PCDHGA3: variants seen among roughly 807,000 people sequenced by gnomAD.
PCDHGA3 encodes the protein protocadherin gamma subfamily A, 3.
In PCDHGA3, 40 loss-of-function variants were observed where a neutral mutation model predicts 58.5. The ratio of observed to expected loss-of-function variants is 0.68; its 90% CI spans 0.53 to 0.89. PCDHGA3 has a LOEUF of 0.89. Among genes scored for constraint, PCDHGA3 ranks in the 40% least tolerant of loss-of-function variants. PCDHGA3 has a pLI of 0.00. For missense variants in PCDHGA3, 1,223 were observed against 1,195.9 expected (o/e 1.02, Z -0.33); for synonymous variants, 530 against 525.7 (o/e 1.01, Z -0.11).
intron 2 of PCDHGA3, among the ~76,000 whole-genome samples, chr5:141,498,004 G>C (rs1385457484): frequency 6.6e-6 from 1 of 152,316 alleles, no homozygotes; most frequent in African/African-American, 2.4e-5. Flanking sequence ...GGAGTTTACA[G>C]TGCACTGAAG....
intron 1 of PCDHGA3, chr5:141,399,178 A>T: frequency 6.2e-7 from 1 of 1,613,892 alleles, no homozygotes; most frequent in Admixed American, 1.7e-5. Flanking sequence ...TCTACTTGAA[A>T]TGATTCTGGA....
intron 1 of PCDHGA3, among the ~76,000 whole-genome samples, chr5:141,456,882 G>A (rs1039329600): frequency 6.6e-6 from 1 of 152,156 alleles, no homozygotes; most frequent in Non-Finnish European, 1.5e-5. Context: ...AGAATCGCTT[G>A]AACCCGGGAG....
At chr5:141,388,721 C>A (rs373386803) in intron 1 of PCDHGA3, 33 of 1,613,884 alleles carry the variant, frequency 2.0e-5, no homozygotes, top group Non-Finnish European at 2.7e-5. Context: ...AGATTACTTT[C>A]TCTTTCAGTG....
chr5:141,402,908 G>C (rs772824235), intron 1 of PCDHGA3: 1 of 1,545,226 alleles, frequency 6.5e-7, no homozygotes, highest in African/African-American at 1.4e-5. Flanking sequence ...TGATGAAGCA[G>C]CGCGCACAGA....
intron 1 of PCDHGA3, chr5:141,422,820 G>A (rs904706749): frequency 6.2e-6 from 10 of 1,614,178 alleles, no homozygotes; most frequent in Non-Finnish European, 7.6e-6. Flanking sequence ...ACTTAGAACT[G>A]AGAGTGATAG....
intron 1 of PCDHGA3, chr5:141,366,619 G>T (rs769993265): frequency 6.2e-7 from 1 of 1,614,222 alleles, no homozygotes; most frequent in Non-Finnish European, 8.5e-7. Flanking sequence ...CCGCGGACTC[G>T]AGGAAGAGTC....
At chr5:141,370,759 T>C in intron 1 of PCDHGA3, 3 of 1,614,022 alleles carry the variant, frequency 1.9e-6, no homozygotes, top group Non-Finnish European at 1.7e-6. Flanking sequence ...GTAACTGTGC[T>C]GATCCAGGAT....
At chr5:141,370,852 C>T (rs558873325) in intron 1 of PCDHGA3, 5 of 1,614,018 alleles carry the variant, frequency 3.1e-6, no homozygotes, top group Non-Finnish European at 4.2e-6. Flanking sequence ...GCCACATTTG[C>T]CCTGGAATCT....
chr5:141,353,687 C>T (rs555307178), intron 1 of PCDHGA3, among the ~76,000 whole-genome samples: 3 of 152,224 alleles, frequency 2.0e-5, no homozygotes, highest in South Asian at 2.1e-4. Context: ...GTTTATAAAG[C>T]GTTTTCCATA....
intron 1 of PCDHGA3, chr5:141,415,772 T>TTTA (rs1561760673): frequency 5.3e-6 from 7 of 1,332,980 alleles, no homozygotes; most frequent in Non-Finnish European, 6.7e-6. Flanking sequence ...TTTTTTTTTT[T>TTTA]ACTTTCTGGT....
At position 141,418,056 on chromosome 5, in the gene PCDHGA3, T is replaced by G. The variant is rs199996434; in HGVS notation, c.2424+71599T>G. ...GTCCTGGATGTGTCGGCTCGCGAGC[T>G]GCGAGTGAGCGCGGAGAAGCTGCAC... is the stretch of plus-strand genomic sequence containing the variant. On this transcript the variant is annotated intron_variant, in intron 1 of 3. Coordinates refer to ENST00000253812, the MANE Select transcript of PCDHGA3 (RefSeq NM_018916.4). 5.0e-5 allele frequency: 80 copies of G among 1,613,976 alleles called. No individual in the cohort carries two copies. The African/African-American group carries it at 7.5e-4, about 15-fold the overall frequency.
At chr5:141,421,846 G>A (rs1187020807) in intron 1 of PCDHGA3, 2 of 1,613,642 alleles carry the variant, frequency 1.2e-6, no homozygotes, top group East Asian at 4.5e-5. Context: ...AGAGAAAGAG[G>A]CTGCTCACCT....
chr5:141,427,428 T>A (rs1489623330), intron 1 of PCDHGA3: 1 of 470,472 alleles, frequency 2.1e-6, no homozygotes. Context: ...GGAGGTTACA[T>A]GCCTCATAAA....
intron 2 of PCDHGA3, among the ~76,000 whole-genome samples, chr5:141,496,492 C>A (rs2099769172): frequency 6.6e-6 from 1 of 152,186 alleles, no homozygotes; most frequent in Non-Finnish European, 1.5e-5. Context: ...CCAACCAAAC[C>A]CTTGTTGCCA....
At chr5:141,460,987 A>C (rs201722325) in intron 1 of PCDHGA3, among the ~76,000 whole-genome samples, 1 of 92,990 alleles carries the variant, frequency 1.1e-5, no homozygotes, top group South Asian at 3.4e-4. Context: ...GTGTGTGTAT[A>C]TATATATATG....
At chr5:141,404,296 T>C in intron 1 of PCDHGA3, 1 of 1,613,946 alleles carries the variant, frequency 6.2e-7, no homozygotes, top group Non-Finnish European at 8.5e-7. Flanking sequence ...TCAATGATAA[T>C]CCACCTGCTT....
At chr5:141,361,999 C>A in intron 1 of PCDHGA3, 9 of 1,603,024 alleles carry the variant, frequency 5.6e-6, no homozygotes, top group Non-Finnish European at 5.9e-6. Context: ...CCTGGGGTTG[C>A]GCACGGGTGA....
chr5:141,480,241 A>C (rs895691864), intron 1 of PCDHGA3, among the ~76,000 whole-genome samples: 58 of 97,306 alleles, frequency 6.0e-4, no homozygotes, highest in African/African-American at 2.2e-3. Context: ...CTGTCTCTAC[A>C]AAAAAAAAAA....
At chr5:141,422,705 C>T (rs371027437) in intron 1 of PCDHGA3, 2 of 1,602,706 alleles carry the variant, frequency 1.2e-6, no homozygotes, top group South Asian at 1.1e-5. Context: ...TACTCTCTGA[C>T]GGATGACACT....
Sources: gnomAD v4.1 joint callset for allele counts (sites outside exome capture counted in the v4.1 genomes callset) on GRCh38, gnomAD v4.1.1 for gene constraint, MANE v1.5 for transcripts, NCBI Gene and HGNC (gene_info 2026-07-23, HGNC 2026-07-21) for gene names.